Variants in MYL4 observed in about 807,000 individuals in gnomAD.
The protein encoded by MYL4 is atrial myosin light chain 1.
MYL4 carries 16 observed loss-of-function variants against 21.6 expected under a neutral mutation model. That is an observed-to-expected ratio of 0.74 (90% confidence interval 0.50 to 1.12). The LOEUF is 1.12. MYL4 is among the 50% of genes most tolerant of loss of function. The pLI, the probability that MYL4 is intolerant of heterozygous loss-of-function variation, is 0.00. For synonymous variants in MYL4, 82 were observed against 95.7 expected (o/e 0.86, Z 0.83); for missense variants, 249 against 252.9 (o/e 0.98, Z 0.11).
chr17:47,219,986 G>A lies in MYL4; in HGVS notation c.246G>A (p.Leu82=). ...CCTACGGCCAGTGCGGGGATGTACT[G>A]CGGGCCCTGGGCCAGAACCCTACCA... ...KITYGQCGDV[L]RALGQNPTNA... The change falls in exon 3 of 7, where the codon CTG becomes CTA. Residue 82 remains leucine, a synonymous_variant. Coordinates refer to ENST00000393450, the MANE Select transcript of MYL4 (RefSeq NM_002476.2). 2 of 1,614,214 alleles carry A rather than the reference G, an allele frequency of 1.2e-6. No homozygotes were observed. The highest frequency in any genetic ancestry group is 1.7e-6 in the Non-Finnish European group (2 of 1,180,030).
At chr17:47,213,916 C>T (rs1215334746) in intron 2 of MYL4, 90 bp downstream of exon 2, 3 of 1,418,814 alleles carry the variant, frequency 2.1e-6, no homozygotes, top group Non-Finnish European at 3.0e-6. Context: ...TAGTTGTCCT[C>T]ATGGTAATAG....
At chr17:47,225,976 C>T (rs950144239), downstream of MYL4, among the ~76,000 whole-genome samples, 4 of 151,516 alleles carry the variant, frequency 2.6e-5, no homozygotes, top group Non-Finnish European at 4.4e-5. Context: ...TATTTCACCA[C>T]CCAGGTAATA....
At position 47,222,894 on chromosome 17, in the gene MYL4, C is replaced by G. The variant is rs943370318; in HGVS notation, c.566-120C>G. On this transcript the variant is annotated intron_variant, in intron 5 of 6. Coordinates refer to ENST00000393450, the MANE Select transcript of MYL4 (RefSeq NM_002476.2). ...AACCCCCAAATAAGAGCAGGAACTA[C>G]ACAGTCTGGAGAAAGGGGAGCAGGA... 5 of 1,256,366 alleles carry G rather than the reference C, an allele frequency of 4.0e-6. No individual in the cohort carries two copies. The African/African-American group carries it at 7.4e-5, about 19-fold the overall frequency. 77.8% of individuals were successfully genotyped at this position (1,256,366 alleles called of 1,614,324 possible). A position where few individuals can be genotyped will look rare whatever the true frequency, so the allele number is the denominator to read the frequency against.
chr17:47,209,824 T>TG, intron 1 of MYL4: 1 of 561,020 alleles, frequency 1.8e-6, no homozygotes, highest in East Asian at 3.1e-5. Context: ...AAGTTGGGAA[T>TG]GGGGGGAGGT....
upstream of MYL4, among the ~76,000 whole-genome samples, chr17:47,196,591 GA>G (rs1368772820): frequency 1.3e-5 from 2 of 152,142 alleles, no homozygotes; most frequent in African/African-American, 4.8e-5. Context: ...CTTTCTTCCT[GA>G]AATACATTTC....
chr17:47,209,139 A>G (rs2064752483), upstream of MYL4: 2 of 546,274 alleles, frequency 3.7e-6, no homozygotes, highest in Admixed American at 6.5e-5. Flanking sequence ...GCAAGAAGGG[A>G]TCAGCCTGTC....
intron 2 of MYL4, among the ~76,000 whole-genome samples, chr17:47,216,229 C>T (rs116343605): frequency 0.015 from 2,348 of 152,064 alleles, 53 homozygotes; most frequent in African/African-American, 0.054. Flanking sequence ...AGCAGGTGAC[C>T]ACACTACTGC....
chr17:47,207,817 C>T (rs1187911601), upstream of MYL4, among the ~76,000 whole-genome samples: 1 of 152,066 alleles, frequency 6.6e-6, no homozygotes, highest in African/African-American at 2.4e-5. Context: ...TCCATTAATA[C>T]AGGAAGTGAA....
intron 3 of MYL4, among the ~76,000 whole-genome samples, chr17:47,220,490 G>C (rs2064847824): frequency 6.6e-6 from 1 of 152,238 alleles, no homozygotes; most frequent in Non-Finnish European, 1.5e-5. Context: ...AATGGTTAGA[G>C]TACTGACGTT....
At chr17:47,209,221 G>C, upstream of MYL4, 1 of 706,952 alleles carries the variant, frequency 1.4e-6, no homozygotes, top group Non-Finnish European at 2.4e-6. Flanking sequence ...ACAATACACA[G>C]TTGTCAGCTG....
intron 1 of MYL4, among the ~76,000 whole-genome samples, chr17:47,213,172 A>C (rs1181107894): frequency 6.6e-6 from 1 of 152,208 alleles, no homozygotes; most frequent in Non-Finnish European, 1.5e-5. Context: ...AATTTACCTC[A>C]GACCCGGAGG....
chr17:47,193,738 T>C, the MYL4 span, among the ~76,000 whole-genome samples: 5 of 151,826 alleles, frequency 3.3e-5, no homozygotes, highest in Admixed American at 3.3e-4. Context: ...CTTCCTTTCT[T>C]TCTTTCTTCC....
intron 1 of MYL4, among the ~76,000 whole-genome samples, chr17:47,202,329 G>A (rs2064712706): frequency 6.6e-6 from 1 of 152,264 alleles, no homozygotes; most frequent in Non-Finnish European, 1.5e-5. Flanking sequence ...GTATTTTACT[G>A]TTATAGCATA....
Position 47,209,957 on chromosome 17 carries a change from C to T in MYL4, c.135+400C>T, listed in dbSNP as rs116260011. ...TTTATGGAGAACAGACAGATCATGG[C>T]AGCTGCCAGTGTAACTTGGAGTAAG... On this transcript the variant is annotated intron_variant, in intron 1 of 6. Transcript: ENST00000393450. Among the ~76,000 whole-genome samples, 1,257 of 152,292 alleles carry T rather than the reference C, an allele frequency of 8.3e-3. 22 individuals are homozygous for T. Among genetic ancestry groups the T allele is most frequent in the African/African-American group, 0.029 (1,218 of 41,554 alleles).
chr17:47,197,132 A>G (rs571150831), upstream of MYL4, among the ~76,000 whole-genome samples: 12 of 130,490 alleles, frequency 9.2e-5, no homozygotes, highest in Non-Finnish European at 1.7e-4. Flanking sequence ...AGAGTCTCGC[A>G]CTGTCGCCCA....
chr17:47,218,807 C>A (rs529099342), intron 2 of MYL4, among the ~76,000 whole-genome samples: 34 of 152,186 alleles, frequency 2.2e-4, no homozygotes, highest in Non-Finnish European at 2.1e-4. Context: ...AAAAACAAAA[C>A]CAAAACAAAT....
intron 2 of MYL4, among the ~76,000 whole-genome samples, chr17:47,217,154 A>G (rs1301372533): frequency 3.9e-4 from 2 of 5,182 alleles, no homozygotes; most frequent in Admixed American, 6.3e-3. Context: ...AATTGTTTTA[A>G]AGGTAAAAAA....
At chr17:47,219,827 T>A in intron 2 of MYL4, 77 bp from the exon 3 acceptor site, 1 of 1,557,834 alleles carries the variant, frequency 6.4e-7, no homozygotes, top group Non-Finnish European at 8.9e-7. Flanking sequence ...GCTATTCAGC[T>A]TGGGTGGAGG....
downstream of MYL4, among the ~76,000 whole-genome samples, chr17:47,227,357 CTAAA>C (rs2064889350): frequency 6.6e-6 from 1 of 152,200 alleles, no homozygotes; most frequent in Non-Finnish European, 1.5e-5. Context: ...TAAAAAGTGA[CTAAA>C]TAAAGTTCAC....
Sources: gnomAD v4.1 joint callset for allele counts (sites outside exome capture counted in the v4.1 genomes callset) on GRCh38, gnomAD v4.1.1 for gene constraint, MANE v1.5 for transcripts, NCBI Gene and HGNC (gene_info 2026-07-23, HGNC 2026-07-21) for gene names.